The following FARSB variants were observed in gnomAD, a reference collection of about 807,000 sequenced individuals.
FARSB encodes the protein phenylalanine--tRNA ligase beta subunit.
FARSB carries 40 observed loss-of-function variants against 69.6 expected under a neutral mutation model. The ratio of observed to expected loss-of-function variants is 0.57; its 90% CI spans 0.45 to 0.75. The LOEUF (loss-of-function observed/expected upper bound fraction) is 0.75. FARSB is among the 30% of genes least tolerant of loss of function. The pLI, the probability that FARSB is intolerant of heterozygous loss-of-function variation, is 0.00. For missense variants in FARSB, 632 were observed against 722.9 expected, an observed-to-expected ratio of 0.87 and a Z score of 1.44; for synonymous variants, 235 against 247.2, an observed-to-expected ratio of 0.95 and a Z score of 0.46.
chr2:222,632,473 GAGA>G (rs1408373240), intron 7 of FARSB, among the ~76,000 whole-genome samples: 2 of 152,156 alleles, frequency 1.3e-5, no homozygotes, highest in Non-Finnish European at 2.9e-5. Context: ...CCAAGATCTT[GAGA>G]AGAAGCTTCT....
At chr2:222,643,304 C>T (rs1691768727) in intron 2 of FARSB, among the ~76,000 whole-genome samples, 1 of 152,260 alleles carries the variant, frequency 6.6e-6, no homozygotes, top group East Asian at 1.9e-4. Flanking sequence ...CCAAATCATA[C>T]CTGATACTTG....
intron 16 of FARSB, among the ~76,000 whole-genome samples, chr2:222,585,383 A>C (rs991601742): frequency 6.6e-5 from 10 of 152,344 alleles, no homozygotes; most frequent in East Asian, 5.8e-4. Context: ...ATCATCAAAG[A>C]CCAAAATTAG....
intron 16 of FARSB, among the ~76,000 whole-genome samples, chr2:222,586,244 C>T (rs997287126): frequency 2.0e-5 from 3 of 152,192 alleles, no homozygotes; most frequent in African/African-American, 7.2e-5. Context: ...CCCAGAATTT[C>T]ATATCCAGCC....
chr2:222,625,490 C>G (rs375500775), intron 10 of FARSB, among the ~76,000 whole-genome samples: 1 of 152,162 alleles, frequency 6.6e-6, no homozygotes, highest in Admixed American at 6.5e-5. Flanking sequence ...ACTCAAAATG[C>G]GGTCCTCAGA....
In FARSB at chr2:222,644,929, G is replaced by A. The variant is rs193108500; in HGVS notation, c.115-1924C>T. 1.4e-3 allele frequency among the ~76,000 whole-genome samples: 217 copies of A among 151,260 alleles called. 1 individual carries two copies. Among genetic ancestry groups the A allele is most frequent in the Admixed American group, 0.012 (190 of 15,220 alleles). ...TGCTGCAGGTAACCAAAACTGTGGA[G>A]GCAAAAAACTGTGGATAAGGAGGAA... On this transcript the variant is annotated intron_variant, in intron 2 of 16. Coordinates refer to ENST00000281828, the MANE Select transcript of FARSB (RefSeq NM_005687.5).
At chr2:222,654,949 A>G (rs972853886) in intron 1 of FARSB, among the ~76,000 whole-genome samples, 1 of 152,212 alleles carries the variant, frequency 6.6e-6, no homozygotes, top group African/African-American at 2.4e-5. Flanking sequence ...CTGTAATCCC[A>G]GCATTTTGGG....
intron 15 of FARSB, among the ~76,000 whole-genome samples, chr2:222,601,904 C>T (rs1165331790): frequency 6.6e-6 from 1 of 152,136 alleles, no homozygotes; most frequent in Admixed American, 6.6e-5. Flanking sequence ...CTCAAGTGAT[C>T]CTCCTGCCTC....
rs1004946913 is a variant in FARSB at position 222,616,985 on chromosome 2, CTTTTTTTTTTT to C, written c.1344+2649_1344+2659del. Among the ~76,000 whole-genome samples the C allele has an allele frequency of 7.0e-5, 2 of 28,376 alleles. 1 individual carries two copies. Among genetic ancestry groups the C allele is most frequent in the Non-Finnish European group, 1.4e-4 (2 of 14,592 alleles). The allele number at this position is 28,376 out of a possible 152,430, so 18.6% of individuals were successfully genotyped here. The stretch of plus-strand genomic sequence containing the variant: ...GGTACTTTATGCAGAAAGATTGATT[CTTTTTTTTTTT>C]TTTTTTTTTTTTTTTGAGACGGAGT... On this transcript the variant is annotated intron_variant, in intron 14 of 16. Coordinates refer to ENST00000281828, the MANE Select transcript of FARSB (RefSeq NM_005687.5).
At position 222,656,028 on chromosome 2, in the gene FARSB, C is replaced by T. The variant is rs888039698; in HGVS notation, c.46G>A (p.Gly16Ser). The change falls in exon 1 of 17, where the codon GGC (glycine) becomes AGC (serine). Residue 16 changes from glycine (G) to serine (S), a missense_variant. Transcript: ENST00000281828. ...VKRDLLFQALGRTYTDEEFDE... is the reference protein window; with the variant it reads ...VKRDLLFQALSRTYTDEEFDE... ...GGCCGCCACTCACTGTAGGTGCGGC[C>T]CAGGGCTTGGAAGAGCAGATCACGC... 5.6e-6 allele frequency: 9 copies of T among 1,596,900 alleles called. No homozygotes were observed. In the African/African-American group the frequency reaches 1.2e-4, roughly 22 times the overall value.
At chr2:222,586,821 T>C (rs1011779198) in intron 16 of FARSB, among the ~76,000 whole-genome samples, 1 of 152,182 alleles carries the variant, frequency 6.6e-6, no homozygotes, top group African/African-American at 2.4e-5. Context: ...CCTAAATATA[T>C]ATGCACCCAA....
intron 1 of FARSB, 104 bp from the exon 2 acceptor site, chr2:222,648,899 T>C: frequency 1.3e-6 from 1 of 783,488 alleles, no homozygotes; most frequent in Non-Finnish European, 2.3e-6. Context: ...ACACCAATCA[T>C]ACTACTAAAT....
chr2:222,616,376 G>A (rs931661113), intron 14 of FARSB, among the ~76,000 whole-genome samples: 5 of 151,942 alleles, frequency 3.3e-5, no homozygotes, highest in Admixed American at 6.6e-5. Context: ...GTGAAACCCC[G>A]TCTCTACTAA....
At chr2:222,652,649 C>A (rs1238982140) in intron 1 of FARSB, among the ~76,000 whole-genome samples, 3 of 152,166 alleles carry the variant, frequency 2.0e-5, no homozygotes, top group African/African-American at 7.2e-5. Flanking sequence ...TGCCAACAAC[C>A]ACTTGAATGA....
In FARSB at chr2:222,646,264, T is replaced by C. The variant is rs573657416; in HGVS notation, c.114+2476A>G. On this transcript the variant is annotated intron_variant, in intron 2 of 16. Coordinates refer to ENST00000281828, the MANE Select transcript of FARSB (RefSeq NM_005687.5). ...TCCATTCAGGCATGTCTTTAACTTCTACTTCCCGGTACTGCCTGCCACAAT... is the reference window on the plus strand; with the variant it reads ...TCCATTCAGGCATGTCTTTAACTTCCACTTCCCGGTACTGCCTGCCACAAT... Among the ~76,000 whole-genome samples, 4 of 152,348 alleles carry C rather than the reference T, an allele frequency of 2.6e-5. No individual in the cohort carries two copies. In the South Asian group the frequency reaches 8.3e-4, roughly 32 times the overall value.
At chr2:222,603,922 T>C (rs2106201109) in intron 15 of FARSB, among the ~76,000 whole-genome samples, 1 of 151,904 alleles carries the variant, frequency 6.6e-6, no homozygotes, top group South Asian at 2.1e-4. Flanking sequence ...TGGTCAAAGA[T>C]GTGCATTGTT....
chr2:222,617,810 G>A (rs1417510175), intron 14 of FARSB, among the ~76,000 whole-genome samples: 1 of 152,208 alleles, frequency 6.6e-6, no homozygotes, highest in East Asian at 1.9e-4. Context: ...TTGAACCCAA[G>A]AGGCGGAGGT....
At chr2:222,654,652 G>T (rs991060536) in intron 1 of FARSB, among the ~76,000 whole-genome samples, 5 of 152,196 alleles carry the variant, frequency 3.3e-5, no homozygotes, top group African/African-American at 1.2e-4. Flanking sequence ...CAATACCCTT[G>T]TATTTCCTTT....
In FARSB at chr2:222,568,035, A is replaced by G. The variant is rs1215818562; in HGVS notation, c.*3836T>C. Reference sequence around the variant, plus strand: ...ATGTCATGAGATATATGTAAAATAAAAAACAAAACTTGTTGCAAACCAGTA... The same window carrying G: ...ATGTCATGAGATATATGTAAAATAAGAAACAAAACTTGTTGCAAACCAGTA... On this transcript the variant is annotated 3_prime_UTR_variant, in exon 17 of 17. Transcript: ENST00000281828. The surrounding 1 kb of genome is among the most constrained non-coding windows in gnomAD (Gnocchi z 4.3). 2.0e-5 allele frequency: 3 copies of G among 152,368 alleles called. No individual in the cohort carries two copies. In the East Asian group the frequency reaches 5.8e-4, roughly 29 times the overall value. 9.4% of individuals were successfully genotyped at this position (152,368 alleles called of 1,614,324 possible).
chr2:222,641,673 G>T (rs754829120), intron 3 of FARSB, among the ~76,000 whole-genome samples: 1 of 152,162 alleles, frequency 6.6e-6, no homozygotes, highest in Non-Finnish European at 1.5e-5. Context: ...ATCACAAGGT[G>T]ACTGGTAAAA....
Sources: gnomAD v4.1 joint callset for allele counts (sites outside exome capture counted in the v4.1 genomes callset) on GRCh38, gnomAD v4.1.1 for gene constraint, Gnocchi (gnomAD v3.1) non-coding constraint, MANE v1.5 for transcripts, NCBI Gene and HGNC (gene_info 2026-07-23, HGNC 2026-07-21) for gene names.